ADARB1: variants seen among roughly 807,000 people sequenced by gnomAD.
The protein encoded by ADARB1 is adenosine deaminase RNA specific B1.
In ADARB1, 10 loss-of-function variants were observed where a neutral mutation model predicts 52.4. The observed-to-expected ratio is 0.19, with a 90% confidence interval of 0.12 to 0.32. The LOEUF (loss-of-function observed/expected upper bound fraction) is 0.32, where lower values mean the gene tolerates loss of function less well. Among genes scored for constraint, ADARB1 ranks in the 10% least tolerant of loss-of-function variants. ADARB1 has a pLI of 1.00. For missense variants in ADARB1, 643 were observed against 922.3 expected (o/e 0.70, Z 3.92); for synonymous variants, 349 against 371.1 (o/e 0.94, Z 0.68).
At chr21:45,197,555 T>C (rs1298966034) in intron 8 of ADARB1, among the ~76,000 whole-genome samples, 2 of 151,342 alleles carry the variant, frequency 1.3e-5, no homozygotes, top group African/African-American at 4.9e-5. Context: ...GCCATTTCAC[T>C]CCTAGTGGTT....
intron 1 of ADARB1, among the ~76,000 whole-genome samples, chr21:45,082,860 C>A (rs964128913): frequency 6.6e-6 from 1 of 152,200 alleles, no homozygotes; most frequent in Non-Finnish European, 1.5e-5. Flanking sequence ...GACCAGCAGT[C>A]GGATCTGAGC....
chr21:45,153,431 G>T (rs1364190573), intron 2 of ADARB1, among the ~76,000 whole-genome samples: 1 of 152,010 alleles, frequency 6.6e-6, no homozygotes, highest in Non-Finnish European at 1.5e-5. Flanking sequence ...GCTGAACACA[G>T]GCGTGATCAG....
chr21:45,210,188 G>C (rs1487987117), intron 9 of ADARB1, among the ~76,000 whole-genome samples: 1 of 152,180 alleles, frequency 6.6e-6, no homozygotes, highest in Non-Finnish European at 1.5e-5. Context: ...TGGGTTTTCA[G>C]TTCTCCTTTT....
chr21:45,152,661 T>A, intron 2 of ADARB1: 1 of 451,964 alleles, frequency 2.2e-6, no homozygotes, highest in South Asian at 1.6e-5. Flanking sequence ...TTCAGCATCA[T>A]GGGGCGTCGG....
intron 2 of ADARB1, among the ~76,000 whole-genome samples, chr21:45,166,229 G>A (rs1430775007): frequency 1.3e-5 from 2 of 152,146 alleles, no homozygotes; most frequent in African/African-American, 4.8e-5. Flanking sequence ...TGGTTGCAAT[G>A]TATCTATAAA....
chr21:45,130,457 T>C lies in ADARB1; in HGVS notation c.-48+1884T>C, dbSNP rs116017724. On this transcript the variant is annotated intron_variant, in intron 2 of 10. Transcript: ENST00000348831. ...CATGATGAGTCATATCTCCTCCTCC[T>C]GATTCTGTGTTACTAAATGCTAGCT... Among the ~76,000 whole-genome samples the C allele has an allele frequency of 1.8e-3, 270 of 152,396 alleles. 3 individuals carry two copies. The highest frequency in any genetic ancestry group is 6.3e-3 in the African/African-American group (261 of 41,602).
Position 45,183,354 on chromosome 21 carries a change from C to T in ADARB1, c.1248-8C>T. On this transcript the variant is annotated splice_region_variant and splice_polypyrimidine_tract_variant and intron_variant, in intron 6 of 10. Coordinates refer to ENST00000348831, the MANE Select transcript of ADARB1 (RefSeq NM_001112.4). ...TAAATGTTACTTTTGCAACTTTTTT[C>T]CTTTCAGTAACAAAGATGATCAAAA... is the stretch of plus-strand genomic sequence containing the variant. The T allele has an allele frequency of 6.3e-7, 1 of 1,589,874 alleles. No homozygotes were observed.
At chr21:45,192,320 G>A (rs1235175428) in intron 8 of ADARB1, among the ~76,000 whole-genome samples, 2 of 152,106 alleles carry the variant, frequency 1.3e-5, no homozygotes, top group Non-Finnish European at 2.9e-5. Flanking sequence ...ATGATGTATT[G>A]TATTTTACAA....
chr21:45,176,276 T>C lies in ADARB1; in HGVS notation c.575T>C (p.Val192Ala). ...GACAAGGCGGAGCCTCCCTTTTACGTGGGCTCCAATGGGGATGACTCCTTC... is the reference window on the plus strand; with the variant it reads ...GACAAGGCGGAGCCTCCCTTTTACGCGGGCTCCAATGGGGATGACTCCTTC... Reference protein sequence around the residue: ...TPDKAEPPFYVGSNGDDSFSS... With the variant: ...TPDKAEPPFYAGSNGDDSFSS... The change falls in exon 4 of 11, where the codon GTG (valine) becomes GCG (alanine). Residue 192 changes from valine (V) to alanine (A), a missense_variant. By Grantham distance (64) the Val-to-Ala change is moderately conservative. This residue lies in a region of ADARB1 where 380 missense variants were observed against 446.5 expected (regional missense o/e 0.85). Transcript: ENST00000348831. This position sits in a 1 kb window ranked among gnomAD's most constrained non-coding sequence, Gnocchi z 5.8. 6.2e-7 allele frequency: 1 copy of C among 1,614,172 alleles called. No individual in the cohort carries two copies. Among genetic ancestry groups the C allele is most frequent in the Non-Finnish European group, 8.5e-7 (1 of 1,180,022 alleles).
rs112747596 is a variant in ADARB1 at position 45,199,478 on chromosome 21, A to T, written c.1566-5077A>T. 6.8e-3 allele frequency among the ~76,000 whole-genome samples: 1,029 copies of T among 152,294 alleles called. 10 individuals carry two copies. The highest frequency in any genetic ancestry group is 0.012 in the Non-Finnish European group (810 of 68,018). On this transcript the variant is annotated intron_variant, in intron 8 of 10. Coordinates refer to ENST00000348831, the MANE Select transcript of ADARB1 (RefSeq NM_001112.4). The stretch of plus-strand genomic sequence containing the variant: ...GGCTGCAGCCAGCAGTCTGTGCTAG[A>T]CGTGGTGCTCGCAGAAGACATGGAC...
intron 1 of ADARB1, chr21:45,120,907 G>A (rs902785844): frequency 1.2e-4 from 19 of 152,166 alleles, no homozygotes; most frequent in Non-Finnish European, 1.5e-5. Flanking sequence ...TAGAAATGTC[G>A]CTGTTCAGTG....
intron 4 of ADARB1, among the ~76,000 whole-genome samples, chr21:45,179,235 G>C (rs1383112244): frequency 2.0e-5 from 3 of 152,220 alleles, no homozygotes; most frequent in African/African-American, 7.2e-5. Flanking sequence ...TGCCACCAAA[G>C]CCTCTGTCCA....
At chr21:45,175,667 A>G (rs2091662418) in intron 3 of ADARB1, 63 bp from the exon 4 acceptor site, 1 of 1,525,372 alleles carries the variant, frequency 6.6e-7, no homozygotes, top group Non-Finnish European at 9.0e-7. Flanking sequence ...GGAATCTATA[A>G]ATTTTGCATT....
intron 2 of ADARB1, among the ~76,000 whole-genome samples, chr21:45,170,276 A>T (rs1242468021): frequency 6.6e-6 from 1 of 152,236 alleles, no homozygotes; most frequent in African/African-American, 2.4e-5. Flanking sequence ...TTCTACACCT[A>T]AAATAATTTA....
intron 1 of ADARB1, among the ~76,000 whole-genome samples, chr21:45,112,510 C>T (rs751728145): frequency 3.3e-5 from 5 of 151,858 alleles, no homozygotes; most frequent in Middle Eastern, 3.2e-3. Flanking sequence ...GCCTTCCTCT[C>T]GGTGTGTATC....
At chr21:45,215,199 C>T (rs1172777918) in intron 9 of ADARB1, among the ~76,000 whole-genome samples, 1 of 152,102 alleles carries the variant, frequency 6.6e-6, no homozygotes, top group African/African-American at 2.4e-5. Context: ...AGGTGCATGC[C>T]ACCATGCCTG....
At chr21:45,173,006 C>T (rs1351250019) in intron 3 of ADARB1, among the ~76,000 whole-genome samples, 1 of 152,190 alleles carries the variant, frequency 6.6e-6, no homozygotes, top group Non-Finnish European at 1.5e-5. Context: ...TTGGCCCGTG[C>T]AGTAGCCCAC....
At chr21:45,174,708 T>TACATACAA in intron 3 of ADARB1, among the ~76,000 whole-genome samples, 1 of 152,062 alleles carries the variant, frequency 6.6e-6, no homozygotes, top group East Asian at 1.9e-4. Flanking sequence ...CATACATACA[T>TACATACAA]ACATACATAC....
At chr21:45,140,376 C>T (rs2089655324) in intron 2 of ADARB1, among the ~76,000 whole-genome samples, 1 of 152,160 alleles carries the variant, frequency 6.6e-6, no homozygotes, top group Non-Finnish European at 1.5e-5. Context: ...TGTTGATGTC[C>T]CATCAGATGG....
Sources: gnomAD v4.1 joint callset for allele counts (sites outside exome capture counted in the v4.1 genomes callset) on GRCh38, gnomAD v4.1.1 for gene constraint, gnomAD v4.1.1 regional missense constraint, Gnocchi (gnomAD v3.1) non-coding constraint, MANE v1.5 for transcripts, NCBI Gene and HGNC (gene_info 2026-07-23, HGNC 2026-07-21) for gene names.